CDK15: variants seen among roughly 807,000 people sequenced by gnomAD.
CDK15 encodes cyclin dependent kinase 15, also known as cyclin-dependent kinase 15.
In CDK15, 62 loss-of-function variants were observed where a neutral mutation model predicts 60.3. The ratio of observed to expected loss-of-function variants is 1.03; its 90% CI spans 0.84 to 1.27. CDK15 has a LOEUF of 1.27. CDK15 is among the 50% of genes most tolerant of loss of function. The pLI, the probability that CDK15 is intolerant of heterozygous loss-of-function variation, is 0.00. For missense variants in CDK15, 541 were observed against 527.8 expected (o/e 1.03, Z -0.25); for synonymous variants, 194 against 195.7 (o/e 0.99, Z 0.07).
At chr2:201,828,942 A>G (rs536932152) in intron 6 of CDK15, among the ~76,000 whole-genome samples, 2 of 152,136 alleles carry the variant, frequency 1.3e-5, no homozygotes, top group Non-Finnish European at 2.9e-5. Flanking sequence ...AAGCTACCCA[A>G]TGGTCTGCCA....
chr2:201,878,684 A>G (rs994255167), intron 11 of CDK15, among the ~76,000 whole-genome samples: 5 of 152,170 alleles, frequency 3.3e-5, no homozygotes, highest in African/African-American at 9.7e-5. Context: ...GTGATTGCCA[A>G]TTAATAGAAA....
intron 5 of CDK15, among the ~76,000 whole-genome samples, chr2:201,823,342 A>G (rs1307740219): frequency 1.3e-5 from 2 of 152,208 alleles, no homozygotes; most frequent in African/African-American, 4.8e-5. Context: ...AAGAACTTAT[A>G]AGGTATGTGT....
intron 8 of CDK15, among the ~76,000 whole-genome samples, chr2:201,842,671 C>T (rs1697449865): frequency 6.6e-6 from 1 of 152,050 alleles, no homozygotes; most frequent in Admixed American, 6.5e-5. Flanking sequence ...AGGAATCTTT[C>T]CCCCTCTTAT....
At chr2:201,831,349 T>C (rs181692598) in intron 6 of CDK15, among the ~76,000 whole-genome samples, 112 of 152,312 alleles carry the variant, frequency 7.4e-4, no homozygotes, top group Middle Eastern at 3.4e-3. Flanking sequence ...CCAAAACTTA[T>C]TGAGTTGGAA....
chr2:201,868,516 G>A (rs1301309230), intron 10 of CDK15, among the ~76,000 whole-genome samples: 1 of 152,104 alleles, frequency 6.6e-6, no homozygotes, highest in Non-Finnish European at 1.5e-5. Flanking sequence ...ATGGTCCAGA[G>A]CAGGCATTTT....
chr2:201,888,552 G>A, intron 12 of CDK15: 8 of 1,487,770 alleles, frequency 5.4e-6, no homozygotes, highest in Non-Finnish European at 7.1e-6. Flanking sequence ...GATTGCTGAA[G>A]GAGAGCCGCG....
At chr2:201,888,577 G>T in intron 12 of CDK15, 1 of 1,461,522 alleles carries the variant, frequency 6.8e-7, no homozygotes, top group Non-Finnish European at 9.0e-7. Context: ...AGCTTTTTTC[G>T]TTTTTTATTT....
chr2:201,821,155 C>G (rs948372441), intron 4 of CDK15, among the ~76,000 whole-genome samples: 2 of 152,136 alleles, frequency 1.3e-5, no homozygotes, highest in Non-Finnish European at 2.9e-5. Flanking sequence ...ACAGGTTTAG[C>G]TCTCACAATA....
intron 4 of CDK15, among the ~76,000 whole-genome samples, chr2:201,817,548 T>A (rs1696049255): frequency 6.6e-6 from 1 of 152,234 alleles, no homozygotes. Flanking sequence ...CAGCTAAGAA[T>A]CTTTTAAGAT....
intron 10 of CDK15, among the ~76,000 whole-genome samples, chr2:201,869,734 A>C (rs934041804): frequency 1.1e-4 from 16 of 152,146 alleles, no homozygotes; most frequent in Non-Finnish European, 2.2e-4. Flanking sequence ...TGGAGGCCAA[A>C]AACACAGCAC....
At chr2:201,865,464 T>C (rs1698582917) in intron 10 of CDK15, among the ~76,000 whole-genome samples, 1 of 152,116 alleles carries the variant, frequency 6.6e-6, no homozygotes, top group African/African-American at 2.4e-5. Flanking sequence ...CACAGAAAGT[T>C]TTGATTCACA....
At chr2:201,838,801 C>A (rs1697238688) in intron 8 of CDK15, among the ~76,000 whole-genome samples, 6 of 152,170 alleles carry the variant, frequency 3.9e-5, no homozygotes, top group Non-Finnish European at 8.8e-5. Flanking sequence ...TGTCCCTTTC[C>A]CATCAACCTG....
chr2:201,888,684 T>G, intron 12 of CDK15: 3 of 1,318,264 alleles, frequency 2.3e-6, no homozygotes, highest in South Asian at 2.0e-5. Flanking sequence ...GATTAACCGG[T>G]TGCCTTCCCA....
intron 6 of CDK15, among the ~76,000 whole-genome samples, chr2:201,825,736 A>G (rs1222219570): frequency 6.6e-6 from 1 of 152,200 alleles, no homozygotes; most frequent in Admixed American, 6.5e-5. Flanking sequence ...TCTGCCAGAC[A>G]TGTGAAAGGA....
intron 11 of CDK15, among the ~76,000 whole-genome samples, chr2:201,879,199 C>T (rs1699186040): frequency 6.6e-6 from 1 of 152,182 alleles, no homozygotes; most frequent in Non-Finnish European, 1.5e-5. Context: ...TCCTCTGCTC[C>T]ATCTCAAGGG....
intron 6 of CDK15, among the ~76,000 whole-genome samples, chr2:201,829,401 T>A (rs990142458): frequency 3.9e-5 from 6 of 152,180 alleles, no homozygotes; most frequent in Admixed American, 1.3e-4. Flanking sequence ...ATGAGACCAA[T>A]TACTTAGCCG....
At chr2:201,869,563 A>T (rs1287429675) in intron 10 of CDK15, among the ~76,000 whole-genome samples, 3 of 152,098 alleles carry the variant, frequency 2.0e-5, no homozygotes, top group Non-Finnish European at 2.9e-5. Context: ...ATCAGAAAAA[A>T]AAAGAAAGAA....
chr2:201,839,212 CAAT>C (rs1327026580), intron 8 of CDK15, among the ~76,000 whole-genome samples: 1 of 152,114 alleles, frequency 6.6e-6, no homozygotes, highest in Non-Finnish European at 1.5e-5. Context: ...TATAGCTTTG[CAAT>C]AATACTTGAT....
chr2:201,815,233 T>C (rs992792070), intron 4 of CDK15, among the ~76,000 whole-genome samples: 1 of 152,202 alleles, frequency 6.6e-6, no homozygotes, highest in East Asian at 1.9e-4. Context: ...TCTTAATACA[T>C]GTGTCAGTGC....
Sources: gnomAD v4.1 joint callset for allele counts (sites outside exome capture counted in the v4.1 genomes callset) on GRCh38, gnomAD v4.1.1 for gene constraint, MANE v1.5 for transcripts, NCBI Gene and HGNC (gene_info 2026-07-23, HGNC 2026-07-21) for gene names.